PDLIM2: variants seen among roughly 807,000 people sequenced by gnomAD.
PDLIM2 encodes PDZ and LIM domain protein 2.
A neutral mutation model predicts 54.1 loss-of-function variants in PDLIM2; 51 were observed. That is an observed-to-expected ratio of 0.94 (90% CI 0.75 to 1.19). The LOEUF (loss-of-function observed/expected upper bound fraction) is 1.19. Among genes scored for constraint, PDLIM2 ranks in the 50% most tolerant of loss-of-function variants. The pLI, the probability that PDLIM2 is intolerant of heterozygous loss-of-function variation, is 0.00. For synonymous variants in PDLIM2, 398 were observed against 385.6 expected, an observed-to-expected ratio of 1.03 and a Z score of -0.38; for missense variants, 912 against 874.0, an observed-to-expected ratio of 1.04 and a Z score of -0.55.
chr8:22,581,034 G>A (rs1586918394), intron 2 of PDLIM2: 1 of 659,470 alleles, frequency 1.5e-6, no homozygotes, highest in Non-Finnish European at 2.9e-6. Context: ...CTGGGCCCAG[G>A]CTGGGAACAT....
chr8:22,583,670 G>T (rs1337853392), intron 3 of PDLIM2, among the ~76,000 whole-genome samples: 1 of 151,906 alleles, frequency 6.6e-6, no homozygotes, highest in African/African-American at 2.4e-5. Context: ...GGGGGCTGAG[G>T]CAGGGAGAAT....
chr8:22,596,191 A>T (rs1213538216), downstream of PDLIM2: 2 of 152,292 alleles, frequency 1.3e-5, no homozygotes, highest in African/African-American at 4.8e-5. Context: ...TGTATGTAGC[A>T]CGCCATGCTG....
chr8:22,583,390 C>T (rs796508483), intron 3 of PDLIM2, among the ~76,000 whole-genome samples: 41 of 152,282 alleles, frequency 2.7e-4, no homozygotes, highest in African/African-American at 9.9e-4. Context: ...TCACCGTGGG[C>T]TCTAGAACTT....
chr8:22,584,924 C>T (rs1311376412), intron 4 of PDLIM2, 34 bp downstream of exon 3: 1 of 1,614,048 alleles, frequency 6.2e-7, no homozygotes, highest in African/African-American at 1.3e-5. Flanking sequence ...AGCCTCAGCA[C>T]CCTGATCACT....
intron 1 of PDLIM2, chr8:22,579,925 T>G (rs562597150): frequency 2.7e-4 from 51 of 189,558 alleles, no homozygotes; most frequent in Non-Finnish European, 4.4e-4. Flanking sequence ...AGATGAACCC[T>G]GGCCTCCTTG....
chr8:22,584,962 G>C, intron 4 of PDLIM2, 55 bp from the exon 4 acceptor site: 5 of 1,613,660 alleles, frequency 3.1e-6, no homozygotes, highest in Non-Finnish European at 3.4e-6. Flanking sequence ...CCCGAGGGCA[G>C]GGCGGCCTTG....
chr8:22,580,546 G>A lies in PDLIM2; in HGVS notation c.749-57G>A, dbSNP rs11787281. The stretch of plus-strand genomic sequence containing the variant: ...TTGGCTCCTCTCCTGCTGCCTTACA[G>A]TGCCCCCAGAGCCGGCTAGGGGCAT... On this transcript the variant is annotated intron_variant, in intron 1 of 9. The change creates a new upstream start codon in the 5' untranslated region. Transcript: ENST00000308354. 911 of 1,612,142 alleles carry A rather than the reference G, an allele frequency of 5.7e-4. 9 individuals carry two copies. The African/African-American group carries it at 0.011, about 19-fold the overall frequency.
intron 3 of PDLIM2, among the ~76,000 whole-genome samples, 155 bp from the exon 3 acceptor site, chr8:22,584,666 G>C (rs534374370): frequency 1.3e-5 from 2 of 152,332 alleles, no homozygotes; most frequent in Admixed American, 6.5e-5. Flanking sequence ...TGTTTGTCTT[G>C]AGTTTGACAA....
intron 3 of PDLIM2, among the ~76,000 whole-genome samples, chr8:22,584,310 G>T (rs957836784): frequency 6.6e-6 from 1 of 151,766 alleles, no homozygotes; most frequent in African/African-American, 2.4e-5. Context: ...CACCGTGCCC[G>T]GCCTTGGTGT....
At chr8:22,580,361 C>T (rs915940087) in intron 1 of PDLIM2, 114 bp from the exon 1 acceptor site, 9 of 988,656 alleles carry the variant, frequency 9.1e-6, no homozygotes, top group Non-Finnish European at 7.0e-6. Context: ...GGGAGTCGCT[C>T]CCTGGGCTGA....
chr8:22,587,704 TGTCTCTCCCA>T (rs1236939067), intron 6 of PDLIM2: 2 of 152,256 alleles, frequency 1.3e-5, no homozygotes, highest in Non-Finnish European at 2.9e-5. Context: ...AGAAAGACAT[TGTCTCTCCCA>T]GTCGGGGAGC....
At chr8:22,579,060 G>C in exon 1 of PDLIM2, 12 of 1,249,460 alleles carry the variant, frequency 9.6e-6, no homozygotes, top group Non-Finnish European at 1.2e-5. Context: ...CGGGCTAGGG[G>C]CGGCGGCAGG....
In PDLIM2 at chr8:22,589,609, G is replaced by C. The variant is rs771832603; in HGVS notation, c.1381G>C (p.Gly461Arg). ...CCCACCCTGCAGCATGGACTCGGAA[G>C]GGGGAAGCCTCCTCCTGGACGAGGA... The change falls in exon 8 of 10, where the codon GGG (glycine) becomes CGG (arginine). Residue 461 changes from glycine (G) to arginine (R), a missense_variant. Gly to Arg is a moderately radical substitution (Grantham distance 125). Transcript: ENST00000308354. 5.3e-5 allele frequency: 85 copies of C among 1,602,760 alleles called. No individual in the cohort carries two copies. Among genetic ancestry groups the C allele is most frequent in the Non-Finnish European group, 6.6e-5 (77 of 1,175,238 alleles).
exon 10 of PDLIM2, chr8:22,593,741 C>G (rs1048226376): frequency 3.8e-6 from 6 of 1,586,626 alleles, no homozygotes; most frequent in Non-Finnish European, 5.1e-6. Context: ...AGGAACCAGG[C>G]TGTGCGCATC....
chr8:22,593,903 G>A lies in PDLIM2; in HGVS notation c.1802G>A (p.Arg601Gln), dbSNP rs150050587. 27 of 1,546,344 alleles carry A rather than the reference G, an allele frequency of 1.7e-5. No individual in the cohort carries two copies. In the South Asian group the frequency reaches 1.8e-4, roughly 10 times the overall value. Residue 601 changes from arginine (R) to glutamine (Q), a missense_variant, in exon 10 of 10, where the codon CGG becomes CAG. Physicochemically the swap from Arg to Gln is conservative, Grantham distance 43. Transcript: ENST00000308354. Reference sequence around the variant, plus strand: ...TCCGCACCTGCCACCCTCAGCTCTCGGGCCTGAGCCCGCCATGCCCTCAGC... The same window carrying A: ...TCCGCACCTGCCACCCTCAGCTCTCAGGCCTGAGCCCGCCATGCCCTCAGC...
chr8:22,584,634 C>G (rs992828734), intron 3 of PDLIM2, among the ~76,000 whole-genome samples, 187 bp from the exon 3 acceptor site: 3 of 152,202 alleles, frequency 2.0e-5, no homozygotes, highest in Admixed American at 6.5e-5. Flanking sequence ...TTTAAGGAAC[C>G]ATGGTTGTCA....
At chr8:22,594,112 C>T in exon 10 of PDLIM2, 1 of 1,427,710 alleles carries the variant, frequency 7.0e-7, no homozygotes. Context: ...CAGGCCTCTC[C>T]CCTGCAGGAC....
At chr8:22,578,964 G>A in exon 1 of PDLIM2, 1 of 1,241,550 alleles carries the variant, frequency 8.1e-7, no homozygotes, top group Non-Finnish European at 1.0e-6. Context: ...CCTGCAGGGG[G>A]CCCTGGGGAC....
Position 22,589,732 on chromosome 8 carries a change from G to A in PDLIM2, c.1504G>A (p.Glu502Lys), listed in dbSNP as rs201801564. ...GCTCTTGCAGGAAGCCCTGGAGGCT[G>A]AGGAGAGAGGTGAGGGTCTGGGGGG... The change falls in exon 8 of 10, where the codon GAG becomes AAG. Residue 502 changes from glutamate (E) to lysine (K), a missense_variant. Physicochemically the swap from Glu to Lys is moderately conservative, Grantham distance 56 (BLOSUM62 1). Transcript: ENST00000308354. The A allele has an allele frequency of 5.6e-4, 874 of 1,566,132 alleles. 1 individual carries two copies. The highest frequency in any genetic ancestry group is 6.9e-4 in the Non-Finnish European group (800 of 1,154,990).
Sources: gnomAD v4.1 joint callset for allele counts (sites outside exome capture counted in the v4.1 genomes callset) on GRCh38, gnomAD v4.1.1 for gene constraint, MANE v1.5 for transcripts, NCBI Gene and HGNC (gene_info 2026-07-23, HGNC 2026-07-21) for gene names.